Variants in TRPC5 observed in about 807,000 individuals in gnomAD.
TRPC5 encodes the protein short transient receptor potential channel 5.
TRPC5 carries 9 observed loss-of-function variants against 56.5 expected under a neutral mutation model. The ratio of observed to expected loss-of-function variants is 0.16; its 90% confidence interval spans 0.10 to 0.28. The LOEUF is 0.28. Among genes scored for constraint, TRPC5 ranks in the 10% least tolerant of loss-of-function variants. The pLI is 1.00. For synonymous variants in TRPC5, 282 were observed against 278.5 expected, an observed-to-expected ratio of 1.01 and a Z score of -0.13; for missense variants, 469 against 748.9, an observed-to-expected ratio of 0.63 and a Z score of 4.36.
chrX:111,894,962 A>G (rs1924992745), intron 3 of TRPC5, among the ~76,000 whole-genome samples: 2 of 110,449 alleles, frequency 1.8e-5, no homozygotes, highest in Non-Finnish European at 3.8e-5. Flanking sequence ...ATGTAGTGAT[A>G]TGGTAGCTAA....
At chrX:111,946,981 A>G (rs1926947763) in intron 2 of TRPC5, among the ~76,000 whole-genome samples, 2 of 112,109 alleles carry the variant, frequency 1.8e-5, no homozygotes, top group African/African-American at 6.5e-5. Flanking sequence ...TCACCCAGGC[A>G]CTTGGCAGGG....
intron 3 of TRPC5, among the ~76,000 whole-genome samples, chrX:111,878,632 C>T (rs924419988): frequency 2.7e-5 from 3 of 111,536 alleles, no homozygotes; most frequent in African/African-American, 9.8e-5. Context: ...GACAATGGCA[C>T]CTCCCCTCAA....
At chrX:111,797,116 C>T (rs1175594103) in intron 7 of TRPC5, among the ~76,000 whole-genome samples, 2 of 111,737 alleles carry the variant, frequency 1.8e-5, no homozygotes, top group East Asian at 2.8e-4. Context: ...TCAGGTATTC[C>T]ATGAAGGCTT....
At chrX:111,970,999 C>T (rs1242508465) in intron 1 of TRPC5, among the ~76,000 whole-genome samples, 4 of 110,533 alleles carry the variant, frequency 3.6e-5, no homozygotes, top group African/African-American at 1.3e-4. Context: ...AGGATGGTCT[C>T]GATCTCCTGA....
chrX:111,805,755 C>A (rs1921486229), intron 7 of TRPC5, among the ~76,000 whole-genome samples: 1 of 111,012 alleles, frequency 9.0e-6, no homozygotes, highest in Non-Finnish European at 1.9e-5. Flanking sequence ...CTTACTGCAA[C>A]CTCACCTCCC....
chrX:111,879,918 AT>A (rs11312709), intron 3 of TRPC5, among the ~76,000 whole-genome samples: 14,731 of 106,351 alleles, frequency 0.14, 2,386 homozygotes, highest in African/African-American at 0.46. Context: ...GTTCCTCTTC[AT>A]TTTTTTTTTT....
intron 2 of TRPC5, among the ~76,000 whole-genome samples, chrX:111,935,319 GT>G (rs1259630593): frequency 9.0e-6 from 1 of 111,015 alleles, no homozygotes; most frequent in Non-Finnish European, 1.9e-5. Flanking sequence ...AAGACTAATC[GT>G]TTTTTTTCCT....
At position 111,839,402 on chromosome X, in the gene TRPC5, G is replaced by A. The variant is rs185635313; in HGVS notation, c.1701-4286C>T. Among the ~76,000 whole-genome samples the A allele has an allele frequency of 5.8e-4, 65 of 111,883 alleles. 1 individual carries two copies. Among genetic ancestry groups the A allele is most frequent in the African/African-American group, 1.9e-3 (58 of 30,830 alleles). On this transcript the variant is annotated intron_variant, in intron 6 of 10. Coordinates refer to ENST00000262839, the MANE Select transcript of TRPC5 (RefSeq NM_012471.3). ...TGCCTAAGCGAGAACTTTAGACCCC[G>A]CCATTTATTAAATGACATTGGGAAA... is the stretch of plus-strand genomic sequence containing the variant.
Position 111,910,261 on chromosome X carries a change from A to G in TRPC5, c.900+2030T>C, listed in dbSNP as rs368552465. 6.2e-5 allele frequency among the ~76,000 whole-genome samples: 7 copies of G among 112,215 alleles called. No homozygotes were observed. The South Asian group carries it at 2.6e-3, about 41-fold the overall frequency. Reference sequence around the variant, plus strand: ...TATCTGTGATTTTTTTTCTCACAGTATTATAACAATTTATGTAAAGTGAAA... The same window carrying G: ...TATCTGTGATTTTTTTTCTCACAGTGTTATAACAATTTATGTAAAGTGAAA... On this transcript the variant is annotated intron_variant, in intron 3 of 10. Transcript: ENST00000262839.
intron 3 of TRPC5, among the ~76,000 whole-genome samples, chrX:111,883,032 G>A (rs1924301838): frequency 9.5e-6 from 1 of 105,274 alleles, no homozygotes; most frequent in Non-Finnish European, 1.9e-5. Flanking sequence ...GTTGCAGTGA[G>A]CCAAGATCAT....
At chrX:111,956,232 G>GTGC (rs2148640390) in intron 1 of TRPC5, among the ~76,000 whole-genome samples, 1 of 112,460 alleles carries the variant, frequency 8.9e-6, no homozygotes, top group African/African-American at 3.2e-5. Context: ...GAAAACATCA[G>GTGC]TGCCTTCAGA....
At chrX:111,879,284 C>T (rs778560397) in intron 3 of TRPC5, among the ~76,000 whole-genome samples, 3 of 111,918 alleles carry the variant, frequency 2.7e-5, no homozygotes, top group African/African-American at 9.8e-5. Flanking sequence ...ACTCAGGAGA[C>T]GTTGACTCTC....
At chrX:112,007,488 T>G in intron 1 of TRPC5, among the ~76,000 whole-genome samples, 1 of 111,580 alleles carries the variant, frequency 9.0e-6, no homozygotes, top group Middle Eastern at 4.6e-3. Context: ...ATGCTTTCTT[T>G]GGACTATAAA....
intron 3 of TRPC5, among the ~76,000 whole-genome samples, chrX:111,891,181 G>A (rs4357476): frequency 0.066 from 7,408 of 111,676 alleles, 269 homozygotes; most frequent in African/African-American, 0.14. Flanking sequence ...AACATAATGT[G>A]TGCATGTATC....
At chrX:111,799,146 A>G (rs1409632529) in intron 7 of TRPC5, among the ~76,000 whole-genome samples, 2 of 100,237 alleles carry the variant, frequency 2.0e-5, no homozygotes, top group Non-Finnish European at 3.8e-5. Flanking sequence ...AGGCAAGAAG[A>G]GATGGGCTAA....
At chrX:111,864,867 C>T (rs1167345441) in intron 3 of TRPC5, among the ~76,000 whole-genome samples, 1 of 109,926 alleles carries the variant, frequency 9.1e-6, no homozygotes, top group Non-Finnish European at 1.9e-5. Flanking sequence ...AGTGCTTTCC[C>T]TTGTAACTTT....
chrX:111,893,792 C>A (rs1340458991), intron 3 of TRPC5, among the ~76,000 whole-genome samples: 1 of 111,955 alleles, frequency 8.9e-6, no homozygotes, highest in Non-Finnish European at 1.9e-5. Context: ...CTATAACAGG[C>A]AAATGCTGTA....
chrX:112,050,992 G>C (rs973333446), intron 1 of TRPC5, among the ~76,000 whole-genome samples: 1 of 112,155 alleles, frequency 8.9e-6, no homozygotes, highest in Non-Finnish European at 1.9e-5. Flanking sequence ...CCCCCAACGT[G>C]TATACCCGAT....
chrX:112,052,689 G>T (rs1482129144), intron 1 of TRPC5, among the ~76,000 whole-genome samples: 1 of 111,697 alleles, frequency 9.0e-6, no homozygotes, highest in Non-Finnish European at 1.9e-5. Context: ...TCATATCCAA[G>T]AAACCATTTT....
Sources: allele counts gnomAD v4.1 joint callset (sites outside exome capture counted in the v4.1 genomes callset), GRCh38; gene constraint gnomAD v4.1.1; transcripts MANE v1.5; gene names NCBI Gene and HGNC (gene_info 2026-07-23, HGNC 2026-07-21).